Variants in HIPK2 observed in about 807,000 individuals in gnomAD.
HIPK2 encodes homeodomain-interacting protein kinase 2.
HIPK2 carries 27 observed loss-of-function variants against 113.7 expected under a neutral mutation model. That is an observed-to-expected ratio of 0.24 (90% CI 0.17 to 0.33). The LOEUF (loss-of-function observed/expected upper bound fraction) is 0.33, where lower values mean the gene tolerates loss of function less well. HIPK2 is among the 10% of genes least tolerant of loss of function. The probability of loss-of-function intolerance (pLI) is 1.00; values close to 1 mark genes in which losing one functional copy is unlikely to be tolerated. For missense variants in HIPK2, 1,257 were observed against 1,588.0 expected (o/e 0.79, Z 3.54); for synonymous variants, 631 against 642.2 (o/e 0.98, Z 0.26).
rs77114553 is a variant in HIPK2, at chr7:139,598,221, G to C, written c.2436-1223C>G. On this transcript the variant is annotated intron_variant, in intron 11 of 14. Coordinates refer to ENST00000406875, the MANE Select transcript of HIPK2 (RefSeq NM_022740.5). ...GTATCTATGCAGTGAGAGACTAACA[G>C]CAATGTATAATGAAACTCAGACTTT... 4.6e-3 allele frequency among the ~76,000 whole-genome samples: 693 copies of C among 152,280 alleles called. 7 individuals carry two copies. Among genetic ancestry groups the C allele is most frequent in the African/African-American group, 0.016 (650 of 41,562 alleles).
In HIPK2 at chr7:139,758,111, A is replaced by C. The variant is rs556689738; in HGVS notation, c.19+19494T>G. ...TAAATTTAATGTGATCCCAATGGAA[A>C]TACCAACAGGCTTTTTTTCTGGAAT... On this transcript the variant is annotated intron_variant, in intron 1 of 14. Transcript: ENST00000406875. 1.4e-3 allele frequency among the ~76,000 whole-genome samples: 215 copies of C among 152,364 alleles called. 1 individual carries two copies. The highest frequency in any genetic ancestry group is 4.7e-3 in the African/African-American group (195 of 41,586).
At chr7:139,708,236 A>G (rs1794963496) in intron 2 of HIPK2, among the ~76,000 whole-genome samples, 1 of 152,140 alleles carries the variant, frequency 6.6e-6, no homozygotes, top group South Asian at 2.1e-4. Context: ...GGCAGGAGGA[A>G]ACTTTCGGAG....
intron 9 of HIPK2, among the ~76,000 whole-genome samples, chr7:139,611,417 T>C (rs1799814104): frequency 6.6e-6 from 1 of 152,246 alleles, no homozygotes; most frequent in South Asian, 2.1e-4. Context: ...AATATATTAA[T>C]ATAACTTGTC....
chr7:139,774,647 G>A (rs751188263), intron 1 of HIPK2, among the ~76,000 whole-genome samples: 2 of 152,096 alleles, frequency 1.3e-5, no homozygotes, highest in Non-Finnish European at 2.9e-5. Flanking sequence ...CTTTACATAA[G>A]CCAATAGTAA....
chr7:139,584,447 G>A (rs1220407567), intron 12 of HIPK2, among the ~76,000 whole-genome samples: 2 of 152,204 alleles, frequency 1.3e-5, no homozygotes, highest in Non-Finnish European at 2.9e-5. Context: ...TGAGCAAGGA[G>A]AGAACCAGCA....
chr7:139,721,432 C>T (rs1795404733), intron 1 of HIPK2, among the ~76,000 whole-genome samples: 2 of 152,080 alleles, frequency 1.3e-5, no homozygotes, highest in South Asian at 4.1e-4. Context: ...AGAGTTGAGC[C>T]CACAACGTAT....
At chr7:139,747,964 T>A (rs1796216165) in intron 1 of HIPK2, among the ~76,000 whole-genome samples, 1 of 152,172 alleles carries the variant, frequency 6.6e-6, no homozygotes, top group African/African-American at 2.4e-5. Context: ...GAGAGAGACA[T>A]CAGTACGGAA....
chr7:139,759,181 T>C (rs1409186708), intron 1 of HIPK2, among the ~76,000 whole-genome samples: 4 of 152,132 alleles, frequency 2.6e-5, no homozygotes, highest in African/African-American at 9.7e-5. Flanking sequence ...TTTAAATACA[T>C]GAAAATATGA....
chr7:139,727,281 T>C (rs1213682795), intron 1 of HIPK2, among the ~76,000 whole-genome samples: 1 of 152,092 alleles, frequency 6.6e-6, no homozygotes, highest in Non-Finnish European at 1.5e-5. Context: ...TCCAGGAGAA[T>C]GAAAACAGAG....
intron 13 of HIPK2, chr7:139,583,496 G>A: frequency 3.5e-6 from 1 of 281,978 alleles, no homozygotes; most frequent in South Asian, 4.1e-5. Context: ...GAACTCCCCA[G>A]ACCAGGTATT....
chr7:139,686,671 C>A (rs112272368), intron 2 of HIPK2, among the ~76,000 whole-genome samples: 5,450 of 152,318 alleles, frequency 0.036, 342 homozygotes, highest in African/African-American at 0.12. Flanking sequence ...TTTCTAAGGG[C>A]TCCCCAGCCC....
At chr7:139,589,416 A>G (rs547164703) in intron 12 of HIPK2, among the ~76,000 whole-genome samples, 2 of 152,030 alleles carry the variant, frequency 1.3e-5, no homozygotes, top group African/African-American at 4.8e-5. Context: ...AAAAAAAAAA[A>G]AACAACAAAA....
chr7:139,626,584 T>C lies in HIPK2; in HGVS notation c.1619+17A>G. 1 of 1,609,056 alleles carries C rather than the reference T, an allele frequency of 6.2e-7. No individual in the cohort carries two copies. The highest frequency in any genetic ancestry group is 8.5e-7 in the Non-Finnish European group (1 of 1,176,956). ...GTTTGCCGATCCCTGGTACGAAGCA[T>C]CAGGCAGGACACCTACTGTGTGCTG... On this transcript the variant is annotated intron_variant, in intron 6 of 14. Transcript: ENST00000406875.
intron 1 of HIPK2, among the ~76,000 whole-genome samples, chr7:139,733,527 C>T (rs1482329554): frequency 6.6e-6 from 1 of 152,038 alleles, no homozygotes; most frequent in Admixed American, 6.5e-5. Flanking sequence ...AGCACTTAAT[C>T]AGGGGAAAAG....
At chr7:139,756,358 T>C (rs906989133) in intron 1 of HIPK2, among the ~76,000 whole-genome samples, 5 of 152,264 alleles carry the variant, frequency 3.3e-5, no homozygotes, top group African/African-American at 7.2e-5. Flanking sequence ...AAAAAGTATA[T>C]GTATTTCAGC....
intron 2 of HIPK2, among the ~76,000 whole-genome samples, chr7:139,713,085 TACTATCACA>T (rs976883347): frequency 3.3e-5 from 5 of 151,946 alleles, no homozygotes; most frequent in African/African-American, 1.2e-4. Flanking sequence ...GAAAAGAGGG[TACTATCACA>T]ACTAAACGGA....
intron 1 of HIPK2, among the ~76,000 whole-genome samples, chr7:139,739,995 C>A (rs537674715): frequency 1.3e-5 from 2 of 152,268 alleles, no homozygotes; most frequent in South Asian, 2.1e-4. Flanking sequence ...CTTTTCGCTG[C>A]GATGCAACCA....
chr7:139,586,389 G>A (rs980259576), intron 12 of HIPK2, among the ~76,000 whole-genome samples: 3 of 152,174 alleles, frequency 2.0e-5, no homozygotes, highest in African/African-American at 7.2e-5. Context: ...AAAATACCAA[G>A]AGGTAGAAAC....
At chr7:139,750,321 C>G (rs1796259065) in intron 1 of HIPK2, among the ~76,000 whole-genome samples, 1 of 152,224 alleles carries the variant, frequency 6.6e-6, no homozygotes, top group African/African-American at 2.4e-5. Context: ...TTAATTTCCA[C>G]AGATGTCAAC....
Sources: allele counts gnomAD v4.1 joint callset (sites outside exome capture counted in the v4.1 genomes callset), GRCh38; gene constraint gnomAD v4.1.1; transcripts MANE v1.5; gene names NCBI Gene and HGNC (gene_info 2026-07-23, HGNC 2026-07-21).